Variants in TET3 observed in about 807,000 individuals in gnomAD.
TET3 encodes the protein methylcytosine dioxygenase TET3.
TET3 carries 19 observed loss-of-function variants against 141.4 expected under a neutral mutation model. The observed-to-expected ratio is 0.13, with a 90% confidence interval of 0.09 to 0.20. TET3 has a LOEUF of 0.20. Among genes scored for constraint, TET3 ranks in the 10% least tolerant of loss-of-function variants. The probability of loss-of-function intolerance (pLI) is 1.00; values close to 1 mark genes in which losing one functional copy is unlikely to be tolerated. For synonymous variants in TET3, 1,043 were observed against 980.9 expected, an observed-to-expected ratio of 1.06 and a Z score of -1.18; for missense variants, 1,874 against 2,356.9, an observed-to-expected ratio of 0.80 and a Z score of 4.24.
the TET3 span, among the ~76,000 whole-genome samples, chr2:74,113,977 A>T: frequency 6.6e-6 from 1 of 152,246 alleles, no homozygotes; most frequent in Non-Finnish European, 1.5e-5. Context: ...TGAAACTACA[A>T]GAGACCTCAA....
intron 4 of TET3, among the ~76,000 whole-genome samples, chr2:74,064,860 GTTAA>G (rs1341588179): frequency 6.6e-6 from 1 of 152,172 alleles, no homozygotes; most frequent in African/African-American, 2.4e-5. Flanking sequence ...TAGTCTATGT[GTTAA>G]TTATCTGTTA....
chr2:74,059,740 G>A (rs967297955), intron 4 of TET3, among the ~76,000 whole-genome samples: 1 of 151,318 alleles, frequency 6.6e-6, no homozygotes, highest in Admixed American at 6.6e-5. Flanking sequence ...TAGAGACAAG[G>A]TCTCTCTTTG....
chr2:74,093,388 G>A lies in TET3; in HGVS notation c.3130-141G>A. On this transcript the variant is annotated intron_variant, in intron 9 of 11. Coordinates refer to ENST00000409262, the MANE Select transcript of TET3 (RefSeq NM_001287491.2). This position sits in a 1 kb window ranked among gnomAD's most constrained non-coding sequence, Gnocchi z 4.2. ...TTTTGTAGCTGGGGCCTCTCAGCCA[G>A]AAAACCTCCCTCCTGCAGTCGAAGG... 1 of 1,210,190 alleles carries A rather than the reference G, an allele frequency of 8.3e-7. No homozygotes were observed. Among genetic ancestry groups the A allele is most frequent in the Non-Finnish European group, 1.1e-6 (1 of 903,472 alleles). The allele number at this position is 1,210,190 out of a possible 1,614,324, so 75.0% of individuals were successfully genotyped here. A position where few individuals can be genotyped will look rare whatever the true frequency, so the allele number is the denominator to read the frequency against.
intron 6 of TET3, among the ~76,000 whole-genome samples, chr2:74,086,171 TC>T (rs1158997906): frequency 1.3e-5 from 2 of 152,136 alleles, no homozygotes; most frequent in Non-Finnish European, 2.9e-5. Flanking sequence ...CCCTCATCCT[TC>T]CCCTGCCCAC....
chr2:74,067,957 A>G (rs1357480444), intron 4 of TET3, among the ~76,000 whole-genome samples: 1 of 152,136 alleles, frequency 6.6e-6, no homozygotes, highest in Admixed American at 6.5e-5. Context: ...AAAGTGATGT[A>G]AACAGATTTT....
intron 3 of TET3, among the ~76,000 whole-genome samples, chr2:74,036,942 GA>G (rs1463070742): frequency 3.3e-5 from 5 of 151,704 alleles, no homozygotes; most frequent in African/African-American, 4.8e-5. Context: ...TTTGTAGTAG[GA>G]AAAAAAATTA....
the TET3 span, among the ~76,000 whole-genome samples, chr2:74,126,357 G>A: frequency 6.6e-6 from 1 of 152,184 alleles, no homozygotes; most frequent in Non-Finnish European, 1.5e-5. Context: ...CATAGGACCT[G>A]TATTCAGCTC....
chr2:74,011,272 A>G lies in TET3; in HGVS notation c.360+8106A>G, dbSNP rs1044749379. ...CACTTTAAAAATTGAAGTATAGTAT[A>G]CACACGGAAAGGCATATGCTGTGTA... On this transcript the variant is annotated intron_variant, in intron 3 of 11. Coordinates refer to ENST00000409262, the MANE Select transcript of TET3 (RefSeq NM_001287491.2). 1.7e-4 allele frequency among the ~76,000 whole-genome samples: 26 copies of G among 152,084 alleles called. 1 individual carries two copies. The highest frequency in any genetic ancestry group is 1.2e-3 in the East Asian group (6 of 5,184).
intron 2 of TET3, among the ~76,000 whole-genome samples, chr2:73,989,614 G>A (rs1277699799): frequency 6.6e-6 from 1 of 151,778 alleles, no homozygotes; most frequent in East Asian, 1.9e-4. Flanking sequence ...AGGTCCCCCA[G>A]GGATGGGCCT....
intron 2 of TET3, among the ~76,000 whole-genome samples, chr2:73,997,064 A>AGGC (rs1393556587): frequency 3.3e-5 from 5 of 152,240 alleles, no homozygotes; most frequent in Non-Finnish European, 7.3e-5. Flanking sequence ...GGACAAAATA[A>AGGC]GGCATCTCTG....
chr2:74,012,036 C>T (rs1685463301), intron 3 of TET3, among the ~76,000 whole-genome samples: 1 of 152,260 alleles, frequency 6.6e-6, no homozygotes, highest in African/African-American at 2.4e-5. Context: ...TCTCGGCTCA[C>T]TGCAGCCTCC....
chr2:74,100,163 G>A (rs933853809), intron 11 of TET3, among the ~76,000 whole-genome samples: 10 of 152,122 alleles, frequency 6.6e-5, no homozygotes, highest in African/African-American at 2.4e-4. Flanking sequence ...TTCTCAGCAG[G>A]GATCGCCTCC....
intron 5 of TET3, among the ~76,000 whole-genome samples, chr2:74,074,441 C>G (rs1323184904): frequency 6.6e-6 from 1 of 152,174 alleles, no homozygotes; most frequent in Non-Finnish European, 1.5e-5. Context: ...AATTCAAATT[C>G]AGGACTCTAG....
intron 4 of TET3, among the ~76,000 whole-genome samples, chr2:74,053,979 G>A (rs1184757161): frequency 6.6e-6 from 1 of 152,178 alleles, no homozygotes; most frequent in Non-Finnish European, 1.5e-5. Flanking sequence ...TCCTGCAGGA[G>A]AGGATGTCTT....
intron 4 of TET3, among the ~76,000 whole-genome samples, chr2:74,059,029 C>G (rs1002109069): frequency 1.3e-5 from 2 of 152,204 alleles, no homozygotes; most frequent in Non-Finnish European, 2.9e-5. Context: ...ATTGCAGAGC[C>G]TAAGATGTGT....
rs1572904269 is a variant in TET3 at position 74,100,728 on chromosome 2, A to C, written c.3940A>C (p.Ser1314Arg). ...CTGGGGGCACAGTGGCAGCAGTGGC[A>C]GTTTTGAGAAGAAGCCAGACCTCCA... ...GAWGHSGSSG[S>R]FEKKPDLHAL... The change falls in exon 12 of 12, where the codon AGT (serine) becomes CGT (arginine). Residue 1314 changes from serine (S) to arginine (R), a missense_variant. Ser to Arg is a moderately radical substitution (Grantham distance 110). Coordinates refer to ENST00000409262, the MANE Select transcript of TET3 (RefSeq NM_001287491.2). The C allele has an allele frequency of 6.2e-7, 1 of 1,613,926 alleles. No homozygotes were observed. The highest frequency in any genetic ancestry group is 8.5e-7 in the Non-Finnish European group (1 of 1,179,862).
chr2:74,109,523 A>C (rs1691651523), downstream of TET3, among the ~76,000 whole-genome samples: 1 of 152,228 alleles, frequency 6.6e-6, no homozygotes, highest in East Asian at 1.9e-4. Context: ...CTGTATCACC[A>C]AACTCTTTAA....
chr2:74,062,947 G>A (rs918348686), intron 4 of TET3, among the ~76,000 whole-genome samples: 34 of 148,644 alleles, frequency 2.3e-4, no homozygotes, highest in Admixed American at 9.4e-4. Flanking sequence ...GCAGTGGCGC[G>A]ATCTCGTCTC....
chr2:74,115,992 G>A, the TET3 span, among the ~76,000 whole-genome samples: 674 of 148,006 alleles, frequency 4.6e-3, 7 homozygotes, highest in African/African-American at 0.016. Context: ...TCCAGCCTGG[G>A]CGACACTGAG....
Sources: allele counts gnomAD v4.1 joint callset (sites outside exome capture counted in the v4.1 genomes callset), GRCh38; gene constraint gnomAD v4.1.1; non-coding constraint Gnocchi (gnomAD v3.1); transcripts MANE v1.5; gene names NCBI Gene and HGNC (gene_info 2026-07-23, HGNC 2026-07-21).